Variants in ABL2 observed in about 807,000 individuals in gnomAD.
The protein encoded by ABL2 is tyrosine-protein kinase ABL2.
Under a neutral mutation model 107.7 loss-of-function variants are expected in ABL2, and 49 were observed. That is an observed-to-expected ratio of 0.45 (90% CI 0.36 to 0.58). The LOEUF is 0.58. Among genes scored for constraint, ABL2 ranks in the 20% least tolerant of loss-of-function variants. ABL2 has a pLI of 0.00. For missense variants in ABL2, 1,245 were observed against 1,457.0 expected (o/e 0.85, Z 2.37); for synonymous variants, 549 against 548.6 (o/e 1.00, Z -0.01).
chr1:179,148,695 T>A (rs113680642), intron 1 of ABL2, among the ~76,000 whole-genome samples: 2 of 151,850 alleles, frequency 1.3e-5, no homozygotes, highest in Admixed American at 6.6e-5. Flanking sequence ...TGGTCAGGAG[T>A]TCGAGACCAG....
chr1:179,121,038 T>G (rs1171008452), intron 5 of ABL2, among the ~76,000 whole-genome samples: 1 of 152,158 alleles, frequency 6.6e-6, no homozygotes, highest in African/African-American at 2.4e-5. Context: ...AGCTAAAGAA[T>G]AGCCCTTATA....
At position 179,121,730 on chromosome 1, in the gene ABL2, G is replaced by A; in HGVS notation, c.825C>T (p.Ser275=). Residue 275 remains serine, a synonymous_variant, in exon 5 of 12, where the codon TCC becomes TCT. Coordinates refer to ENST00000502732, the MANE Select transcript of ABL2 (RefSeq NM_007314.4). The part of the protein sequence containing the change: ...KCNKPTVYGV[S]PIHDKWEMER... The stretch of plus-strand genomic sequence containing the variant: ...CCATTTCCCATTTGTCGTGGATGGG[G>A]GACACACCATAGACTGTAGGCTTAT... The A allele has an allele frequency of 6.2e-7, 1 of 1,613,940 alleles. No individual in the cohort carries two copies. The highest frequency in any genetic ancestry group is 1.1e-5 in the South Asian group (1 of 91,070).
At chr1:179,218,033 G>GA (rs1331438917) in intron 1 of ABL2, among the ~76,000 whole-genome samples, 2 of 152,040 alleles carry the variant, frequency 1.3e-5, no homozygotes, top group Admixed American at 6.6e-5. Flanking sequence ...AGTTTTAAAA[G>GA]AAAAAACAGA....
At chr1:179,110,561 AC>A in intron 10 of ABL2, 106 bp from the exon 11 acceptor site, 2 of 1,513,478 alleles carry the variant, frequency 1.3e-6, no homozygotes, top group Non-Finnish European at 1.8e-6. Context: ...CAAGTAGAGT[AC>A]TAAAATACAT....
At chr1:179,146,627 C>T (rs1007135919) in intron 1 of ABL2, among the ~76,000 whole-genome samples, 2 of 152,006 alleles carry the variant, frequency 1.3e-5, no homozygotes, top group South Asian at 2.1e-4. Context: ...CAGGATCAGG[C>T]GGAGATAATC....
chr1:179,171,638 C>A (rs1217184976), intron 1 of ABL2, among the ~76,000 whole-genome samples: 2 of 152,082 alleles, frequency 1.3e-5, no homozygotes, highest in Admixed American at 1.3e-4. Context: ...TCCTCCCGCC[C>A]CAGCCTCCCA....
intron 1 of ABL2, among the ~76,000 whole-genome samples, chr1:179,169,572 G>A (rs1336621757): frequency 2.0e-5 from 3 of 151,258 alleles, no homozygotes; most frequent in Non-Finnish European, 4.4e-5. Flanking sequence ...AAAAGACTAA[G>A]AGACATTAAA....
intron 1 of ABL2, among the ~76,000 whole-genome samples, chr1:179,198,761 G>A (rs1661485830): frequency 6.8e-6 from 1 of 146,906 alleles, no homozygotes; most frequent in Admixed American, 6.9e-5. Flanking sequence ...GTTTCAAGAT[G>A]CCACTATCTT....
chr1:179,168,584 A>C (rs1441860956), intron 1 of ABL2, among the ~76,000 whole-genome samples: 2 of 152,194 alleles, frequency 1.3e-5, no homozygotes, highest in Non-Finnish European at 2.9e-5. Context: ...AAGCTCTTAG[A>C]TGCTCTTGCA....
intron 1 of ABL2, among the ~76,000 whole-genome samples, chr1:179,191,217 C>T (rs1660990420): frequency 6.6e-6 from 1 of 152,136 alleles, no homozygotes; most frequent in African/African-American, 2.4e-5. Flanking sequence ...TATATTCTTA[C>T]TACATCACAA....
At chr1:179,110,633 T>C in intron 10 of ABL2, 178 bp from the exon 11 acceptor site, 1 of 1,528,394 alleles carries the variant, frequency 6.5e-7, no homozygotes, top group Non-Finnish European at 8.8e-7. Flanking sequence ...ATCATGTGTG[T>C]AGATTCGTCC....
Position 179,108,227 on chromosome 1 carries a change from A to T in ABL2, c.3040T>A (p.Ser1014Thr). ...EEPTALTAGQ[S>T]TSETQEGGKK... ...CCTCCTTCCTGTGTTTCTGATGTGG[A>T]CTGTCCTGCAGTTAGGGCAGTTGGC... Residue 1014 changes from serine (S) to threonine (T), a missense_variant, in exon 12 of 12, where the codon TCC becomes ACC. This residue lies in a region of ABL2 where 761 missense variants were observed against 766.4 expected (regional missense o/e 0.99). Coordinates refer to ENST00000502732, the MANE Select transcript of ABL2 (RefSeq NM_007314.4). 6.2e-7 allele frequency: 1 copy of T among 1,613,676 alleles called. No homozygotes were observed. The highest frequency in any genetic ancestry group is 8.5e-7 in the Non-Finnish European group (1 of 1,179,960).
intron 1 of ABL2, among the ~76,000 whole-genome samples, chr1:179,209,252 G>A (rs1421631635): frequency 6.6e-6 from 1 of 152,176 alleles, no homozygotes; most frequent in Non-Finnish European, 1.5e-5. Context: ...TATCTCTGAA[G>A]ACACAGGGAC....
chr1:179,112,823 C>T (rs10913693), intron 9 of ABL2, among the ~76,000 whole-genome samples: 77,080 of 151,492 alleles, frequency 0.51, 19,746 homozygotes, highest in Middle Eastern at 0.58. Flanking sequence ...GGCGCGATCT[C>T]GGTTCACTGC....
At chr1:179,171,828 G>C (rs946167691) in intron 1 of ABL2, among the ~76,000 whole-genome samples, 1 of 152,124 alleles carries the variant, frequency 6.6e-6, no homozygotes, top group African/African-American at 2.4e-5. Context: ...TCATGTCCAT[G>C]TTTTCATGTA....
At chr1:179,219,916 AAAT>A (rs1662780353) in intron 1 of ABL2, among the ~76,000 whole-genome samples, 2 of 152,274 alleles carry the variant, frequency 1.3e-5, no homozygotes. Context: ...ATCTTGAGGT[AAAT>A]AATGACAATA....
intron 3 of ABL2, among the ~76,000 whole-genome samples, chr1:179,127,582 A>G (rs1305240314): frequency 1.3e-5 from 2 of 152,250 alleles, no homozygotes; most frequent in Non-Finnish European, 2.9e-5. Context: ...CAAAACAGAA[A>G]AAGTGAAAGA....
At chr1:179,131,969 AT>A (rs1430027727) in intron 2 of ABL2, among the ~76,000 whole-genome samples, 1 of 152,228 alleles carries the variant, frequency 6.6e-6, no homozygotes, top group East Asian at 1.9e-4. Flanking sequence ...AACAGGGATT[AT>A]TTTTCAGAAT....
Position 179,103,160 on chromosome 1 carries a change from C to T in ABL2, c.*4558G>A, listed in dbSNP as rs78206228. On this transcript the variant is annotated 3_prime_UTR_variant, in exon 12 of 12. Transcript: ENST00000502732. The stretch of plus-strand genomic sequence containing the variant: ...GTACACATTCTTACTTTTTAAAGAT[C>T]GGAATTAAACCAAAAAGTTGGTCCC... 4.6e-5 allele frequency: 10 copies of T among 215,056 alleles called. No individual in the cohort carries two copies. The highest frequency in any genetic ancestry group is 3.5e-4 in the East Asian group (5 of 14,490). 13.3% of individuals were successfully genotyped at this position (215,056 alleles called of 1,614,324 possible).
Sources: allele counts gnomAD v4.1 joint callset (sites outside exome capture counted in the v4.1 genomes callset), GRCh38; gene constraint gnomAD v4.1.1; regional missense constraint gnomAD v4.1.1; transcripts MANE v1.5; gene names NCBI Gene and HGNC (gene_info 2026-07-23, HGNC 2026-07-21).